LINGO2: variants seen among roughly 807,000 people sequenced by gnomAD.
The protein encoded by LINGO2 is leucine rich repeat and Ig domain containing 2, also known as leucine-rich repeat and immunoglobulin-like domain-containing nogo receptor-interacting protein 2.
Under a neutral mutation model 30.6 loss-of-function variants are expected in LINGO2, and 14 were observed. The ratio of observed to expected loss-of-function variants is 0.46; its 90% CI spans 0.30 to 0.72. The LOEUF is 0.72. LINGO2 is among the 30% of genes least tolerant of loss of function. The pLI, the probability that LINGO2 is intolerant of heterozygous loss-of-function variation, is 0.07. For synonymous variants in LINGO2, 317 were observed against 288.5 expected (o/e 1.10, Z -1.00); for missense variants, 729 against 751.7 (o/e 0.97, Z 0.35).
the LINGO2 span, among the ~76,000 whole-genome samples, chr9:28,848,972 G>T: frequency 6.6e-6 from 1 of 151,850 alleles, no homozygotes; most frequent in Non-Finnish European, 1.5e-5. Flanking sequence ...TCTGAAATCT[G>T]AATAGTGATA....
intron 5 of LINGO2, among the ~76,000 whole-genome samples, chr9:27,996,056 T>C (rs1821645950): frequency 6.6e-6 from 1 of 152,110 alleles, no homozygotes; most frequent in South Asian, 2.1e-4. Flanking sequence ...TCATTACTCA[T>C]CTGGGAAATA....
At chr9:28,554,606 C>A (rs904647549) in intron 1 of LINGO2, among the ~76,000 whole-genome samples, 3 of 122,858 alleles carry the variant, frequency 2.4e-5, no homozygotes, top group African/African-American at 9.2e-5. Context: ...AGAAAGTCAA[C>A]AAGGATACCC....
intron 4 of LINGO2, among the ~76,000 whole-genome samples, chr9:28,072,392 C>T (rs1825505693): frequency 6.6e-6 from 1 of 152,204 alleles, no homozygotes; most frequent in Non-Finnish European, 1.5e-5. Flanking sequence ...AGAACATTTT[C>T]CATCTTTGAG....
At chr9:28,287,649 G>T (rs966527298) in intron 4 of LINGO2, among the ~76,000 whole-genome samples, 7 of 152,082 alleles carry the variant, frequency 4.6e-5, no homozygotes, top group Admixed American at 3.9e-4. Flanking sequence ...AATGATGAAG[G>T]GAAGGATAAA....
intron 3 of LINGO2, among the ~76,000 whole-genome samples, chr9:28,346,568 T>G (rs2134415695): frequency 6.6e-6 from 1 of 152,330 alleles, no homozygotes; most frequent in African/African-American, 2.4e-5. Flanking sequence ...ATAAGATTGC[T>G]GGGTCATATG....
intron 4 of LINGO2, among the ~76,000 whole-genome samples, chr9:28,189,094 A>C (rs921922824): frequency 5.9e-5 from 9 of 152,072 alleles, no homozygotes; most frequent in African/African-American, 2.2e-4. Context: ...TGTCTTAGGT[A>C]CAGGGCTATC....
chr9:28,623,958 A>G (rs908242091), intron 1 of LINGO2, among the ~76,000 whole-genome samples: 1 of 151,838 alleles, frequency 6.6e-6, no homozygotes, highest in Non-Finnish European at 1.5e-5. Flanking sequence ...GGGATTACTT[A>G]TTAAATTTCT....
At chr9:28,057,606 T>TATATGTATATACATATATATACACAC (rs1824995831) in intron 4 of LINGO2, among the ~76,000 whole-genome samples, 1 of 50,388 alleles carries the variant, frequency 2.0e-5, no homozygotes, top group South Asian at 6.7e-4. Flanking sequence ...TATATACACA[T>TATATGTATATACATATATATACACAC]ATATGTATAT....
the LINGO2 span, among the ~76,000 whole-genome samples, chr9:29,015,762 A>G: frequency 2.0e-5 from 3 of 152,256 alleles, no homozygotes; most frequent in Non-Finnish European, 4.4e-5. Flanking sequence ...ATGTCAGCCT[A>G]TGCTCACTAT....
chr9:28,577,737 G>T (rs1824059765), intron 1 of LINGO2, among the ~76,000 whole-genome samples: 1 of 152,072 alleles, frequency 6.6e-6, no homozygotes, highest in Non-Finnish European at 1.5e-5. Context: ...GATAAAATAG[G>T]TGCAATACGC....
the LINGO2 span, among the ~76,000 whole-genome samples, chr9:29,041,213 C>T: frequency 6.6e-6 from 1 of 151,958 alleles, no homozygotes; most frequent in Non-Finnish European, 1.5e-5. Flanking sequence ...AGACATACTA[C>T]ATTCATAGAC....
chr9:28,138,061 A>G (rs1001807556), intron 4 of LINGO2, among the ~76,000 whole-genome samples: 1 of 152,190 alleles, frequency 6.6e-6, no homozygotes, highest in African/African-American at 2.4e-5. Context: ...TATCATTCCT[A>G]TTTTATAGAA....
intron 4 of LINGO2, among the ~76,000 whole-genome samples, chr9:28,229,990 CAACA>C (rs1228873572): frequency 5.9e-5 from 9 of 151,658 alleles, no homozygotes; most frequent in Non-Finnish European, 8.9e-5. Context: ...CCAAAAGTTT[CAACA>C]AACAAACAAA....
the LINGO2 span, among the ~76,000 whole-genome samples, chr9:29,154,578 G>A: frequency 6.6e-6 from 1 of 152,046 alleles, no homozygotes; most frequent in African/African-American, 2.4e-5. Flanking sequence ...AATAAACTCT[G>A]GTTAGTACAG....
chr9:28,510,720 A>G (rs1386849168), intron 1 of LINGO2, among the ~76,000 whole-genome samples: 2 of 151,642 alleles, frequency 1.3e-5, no homozygotes, highest in African/African-American at 4.8e-5. Flanking sequence ...ACACACACAC[A>G]GTCTTTTTTA....
chr9:28,495,511 A>G (rs1180704228), intron 1 of LINGO2, among the ~76,000 whole-genome samples: 1 of 152,106 alleles, frequency 6.6e-6, no homozygotes, highest in East Asian at 1.9e-4. Context: ...AGGTTTGTCA[A>G]AGATCAGATG....
chr9:29,072,612 GAT>G, the LINGO2 span, among the ~76,000 whole-genome samples: 36 of 135,570 alleles, frequency 2.7e-4, no homozygotes, highest in Admixed American at 3.0e-4. Context: ...GTCTCTCTTT[GAT>G]ATATATATAT....
At chr9:28,576,319 G>C (rs1414404887) in intron 1 of LINGO2, among the ~76,000 whole-genome samples, 1 of 152,180 alleles carries the variant, frequency 6.6e-6, no homozygotes, top group Non-Finnish European at 1.5e-5. Flanking sequence ...AAAATTTGAA[G>C]TATAGTTTCT....
chr9:28,225,427 C>G (rs1821112014), intron 4 of LINGO2, among the ~76,000 whole-genome samples: 1 of 151,922 alleles, frequency 6.6e-6, no homozygotes, highest in Non-Finnish European at 1.5e-5. Context: ...TAGAACTTTT[C>G]TAGCAATTTG....
Sources: allele counts gnomAD v4.1 joint callset (sites outside exome capture counted in the v4.1 genomes callset), GRCh38; gene constraint gnomAD v4.1.1; transcripts MANE v1.5; gene names NCBI Gene and HGNC (gene_info 2026-07-23, HGNC 2026-07-21).